ZFHX3: variants seen among roughly 807,000 people sequenced by gnomAD.
ZFHX3 encodes zinc finger homeobox 3.
ZFHX3 carries 42 observed loss-of-function variants against 279.1 expected under a neutral mutation model. The ratio of observed to expected loss-of-function variants is 0.15; its 90% CI spans 0.12 to 0.19. The LOEUF (loss-of-function observed/expected upper bound fraction) is 0.19, where lower values mean the gene tolerates loss of function less well. Ranked by LOEUF, ZFHX3 falls within the 10% of genes least tolerant of loss-of-function variation. The pLI is 1.00. For missense variants in ZFHX3, 4,981 were observed against 4,754.0 expected (o/e 1.05, Z -1.40); for synonymous variants, 2,293 against 1,957.8 (o/e 1.17, Z -4.52).
intron 2 of ZFHX3, among the ~76,000 whole-genome samples, chr16:73,665,339 G>A (rs1484176404): frequency 2.0e-5 from 3 of 151,480 alleles, no homozygotes; most frequent in South Asian, 4.2e-4. Flanking sequence ...TCAGCCTCCC[G>A]AGTAGCTGGG....
chr16:73,009,330 C>A (rs1963830763), intron 1 of ZFHX3, among the ~76,000 whole-genome samples: 1 of 151,936 alleles, frequency 6.6e-6, no homozygotes, highest in African/African-American at 2.4e-5. Context: ...ATTATGTTAC[C>A]ATATAATGAA....
chr16:73,299,470 A>G (rs918025683), intron 4 of ZFHX3, among the ~76,000 whole-genome samples: 3 of 152,190 alleles, frequency 2.0e-5, no homozygotes, highest in Admixed American at 6.5e-5. Context: ...GGGGTTAACC[A>G]CTGAGATAAT....
intron 1 of ZFHX3, among the ~76,000 whole-genome samples, chr16:73,830,557 G>T (rs1960968482): frequency 6.6e-6 from 1 of 152,132 alleles, no homozygotes; most frequent in Non-Finnish European, 1.5e-5. Context: ...AAACCCATTT[G>T]TGTGGATTTT....
At chr16:73,278,859 G>C (rs940631232) in intron 4 of ZFHX3, among the ~76,000 whole-genome samples, 2 of 152,122 alleles carry the variant, frequency 1.3e-5, no homozygotes, top group Non-Finnish European at 2.9e-5. Flanking sequence ...ACAGAGTGCT[G>C]ATTGGTGCAT....
intron 3 of ZFHX3, among the ~76,000 whole-genome samples, chr16:72,894,417 C>T (rs947530837): frequency 1.3e-5 from 2 of 152,182 alleles, no homozygotes; most frequent in African/African-American, 4.8e-5. Context: ...CCCTGAGCGG[C>T]TCAACCCGCG....
intron 1 of ZFHX3, among the ~76,000 whole-genome samples, chr16:73,759,765 C>T (rs144010943): frequency 0.014 from 2,079 of 152,110 alleles, 20 homozygotes; most frequent in Middle Eastern, 0.031. Context: ...TAAGCTATGC[C>T]CTTTGAGTTT....
At chr16:72,842,742 G>C (rs890044683) in intron 4 of ZFHX3, among the ~76,000 whole-genome samples, 1 of 152,092 alleles carries the variant, frequency 6.6e-6, no homozygotes, top group African/African-American at 2.4e-5. Context: ...AAAAAAACCG[G>C]ATCAATTTCT....
chr16:73,394,959 G>A (rs1185682669), intron 3 of ZFHX3, among the ~76,000 whole-genome samples: 3 of 152,190 alleles, frequency 2.0e-5, no homozygotes, highest in African/African-American at 4.8e-5. Flanking sequence ...GAACCCAGCT[G>A]TCATCCCAAA....
intron 3 of ZFHX3, among the ~76,000 whole-genome samples, chr16:73,348,919 G>C (rs2143278993): frequency 6.6e-6 from 1 of 152,300 alleles, no homozygotes; most frequent in East Asian, 1.9e-4. Flanking sequence ...CCTTGGTTCG[G>C]TGGAAAATCA....
chr16:73,279,710 G>A (rs138181987), intron 4 of ZFHX3, among the ~76,000 whole-genome samples: 2 of 152,120 alleles, frequency 1.3e-5, no homozygotes, highest in South Asian at 4.1e-4. Flanking sequence ...AAGCAGAACA[G>A]GCTGAAGACA....
intron 3 of ZFHX3, among the ~76,000 whole-genome samples, chr16:73,430,509 C>T (rs2017891287): frequency 6.6e-6 from 1 of 152,062 alleles, no homozygotes; most frequent in Admixed American, 6.6e-5. Flanking sequence ...AAAGAAAATC[C>T]CTTTGCACAT....
intron 1 of ZFHX3, among the ~76,000 whole-genome samples, chr16:72,979,323 C>T (rs746892051): frequency 3.9e-5 from 6 of 152,304 alleles, no homozygotes; most frequent in Non-Finnish European, 8.8e-5. Flanking sequence ...CCAAATATTG[C>T]TTTGCTTACC....
intron 4 of ZFHX3, among the ~76,000 whole-genome samples, chr16:73,301,759 T>G (rs1027753350): frequency 4.8e-5 from 5 of 104,618 alleles, no homozygotes; most frequent in African/African-American, 2.5e-4. Context: ...TGATTCCAGC[T>G]TTTTTTTTTT....
intron 5 of ZFHX3, among the ~76,000 whole-genome samples, chr16:73,168,215 CTTTCTTTCTTTCTTTCTT>C (rs1967427383): frequency 2.2e-5 from 2 of 92,462 alleles, no homozygotes; most frequent in African/African-American, 9.3e-5. Flanking sequence ...CTTTTGTTTT[CTTTCTTTCTTTCTTTCTT>C]TCTTTCTTTC....
chr16:73,463,597 A>G (rs2018509813), intron 2 of ZFHX3, among the ~76,000 whole-genome samples: 1 of 151,952 alleles, frequency 6.6e-6, no homozygotes, highest in African/African-American at 2.4e-5. Flanking sequence ...CTGCTCATTG[A>G]GGATGTTTCC....
At chr16:73,732,375 G>A (rs2053576435) in intron 1 of ZFHX3, among the ~76,000 whole-genome samples, 1 of 152,104 alleles carries the variant, frequency 6.6e-6, no homozygotes, top group Non-Finnish European at 1.5e-5. Flanking sequence ...ATCTGCTTTG[G>A]GTTCTTTAAA....
At chr16:72,935,914 T>A (rs1960098739) in intron 3 of ZFHX3, among the ~76,000 whole-genome samples, 1 of 152,062 alleles carries the variant, frequency 6.6e-6, no homozygotes, top group Admixed American at 6.5e-5. Context: ...TGGTCTATCA[T>A]AAGAATGGGA....
chr16:73,599,323 CA>C (rs144411319), intron 2 of ZFHX3, among the ~76,000 whole-genome samples: 63 of 152,344 alleles, frequency 4.1e-4, no homozygotes, highest in Non-Finnish European at 7.9e-4. Context: ...CTCTGAGATG[CA>C]AAGTCTTATT....
At chr16:73,274,984 AT>A (rs1005728155) in intron 4 of ZFHX3, among the ~76,000 whole-genome samples, 3 of 151,672 alleles carry the variant, frequency 2.0e-5, no homozygotes, top group South Asian at 4.2e-4. Flanking sequence ...TTTGTCTGTA[AT>A]TTTTTTTTCT....
Sources: allele counts gnomAD v4.1 joint callset (sites outside exome capture counted in the v4.1 genomes callset), GRCh38; gene constraint gnomAD v4.1.1; transcripts MANE v1.5; gene names NCBI Gene and HGNC (gene_info 2026-07-23, HGNC 2026-07-21).